Variants in CR1L observed in about 807,000 individuals in gnomAD.
CR1L encodes the protein complement C3b/C4b receptor 1 like, also known as complement component receptor 1-like protein.
A neutral mutation model predicts 62.3 loss-of-function variants in CR1L; 59 were observed. The ratio of observed to expected loss-of-function variants is 0.95; its 90% CI spans 0.77 to 1.18. The LOEUF is 1.18. CR1L is among the 50% of genes most tolerant of loss of function. The pLI is 0.00. For missense variants in CR1L, 700 were observed against 702.8 expected (o/e 1.00, Z 0.04); for synonymous variants, 279 against 248.7 (o/e 1.12, Z -1.15).
At chr1:207,683,749 T>C (rs1663845163) in intron 3 of CR1L, 123 bp from the exon 4 acceptor site, 2 of 885,304 alleles carry the variant, frequency 2.3e-6, no homozygotes, top group African/African-American at 3.3e-5. Flanking sequence ...TGATAGACAA[T>C]TCTTTGACAA....
intron 1 of CR1L, among the ~76,000 whole-genome samples, chr1:207,645,956 C>A (rs1211095470): frequency 1.3e-5 from 2 of 152,030 alleles, no homozygotes; most frequent in Non-Finnish European, 2.9e-5. Flanking sequence ...TTGAGTGGAG[C>A]GAGCGCGGAC....
chr1:207,680,269 G>C (rs1384332808), intron 3 of CR1L, among the ~76,000 whole-genome samples: 2 of 152,156 alleles, frequency 1.3e-5, no homozygotes, highest in Non-Finnish European at 2.9e-5. Flanking sequence ...CCAAAAACTT[G>C]TGCTAAAACA....
chr1:207,684,266 C>T (rs2102462435), intron 4 of CR1L, among the ~76,000 whole-genome samples: 1 of 152,164 alleles, frequency 6.6e-6, no homozygotes, highest in African/African-American at 2.4e-5. Flanking sequence ...TCCTGCTTGG[C>T]AAATCAGTAA....
At chr1:207,716,008 C>CT (rs1653989626) in intron 10 of CR1L, among the ~76,000 whole-genome samples, 1 of 152,094 alleles carries the variant, frequency 6.6e-6, no homozygotes, top group Non-Finnish European at 1.5e-5. Context: ...TTCTTATGTT[C>CT]TTTTATCCCC....
chr1:207,660,555 C>A (rs888265352), intron 1 of CR1L, among the ~76,000 whole-genome samples: 1 of 152,174 alleles, frequency 6.6e-6, no homozygotes, highest in African/African-American at 2.4e-5. Context: ...ATTAGTCTTG[C>A]TAGCAGTCTA....
At chr1:207,721,087 T>A (rs1044772255) in intron 11 of CR1L, among the ~76,000 whole-genome samples, 3 of 152,220 alleles carry the variant, frequency 2.0e-5, no homozygotes, top group Non-Finnish European at 4.4e-5. Context: ...TATCTTAGGA[T>A]GCAAGATTTA....
chr1:207,646,573 T>A (rs1307156985), intron 1 of CR1L, among the ~76,000 whole-genome samples: 1 of 151,626 alleles, frequency 6.6e-6, no homozygotes, highest in East Asian at 1.9e-4. Flanking sequence ...TAGATGGGCA[T>A]GGTGGTGTAT....
intron 9 of CR1L, among the ~76,000 whole-genome samples, chr1:207,707,426 A>G (rs927187201): frequency 2.6e-5 from 4 of 152,154 alleles, no homozygotes; most frequent in African/African-American, 9.7e-5. Context: ...TCAGGAGTTC[A>G]AGACCAGTCT....
At chr1:207,691,958 C>A (rs778058850) in intron 4 of CR1L, among the ~76,000 whole-genome samples, 2 of 152,088 alleles carry the variant, frequency 1.3e-5, no homozygotes, top group Non-Finnish European at 2.9e-5. Flanking sequence ...AGAGGATTTA[C>A]GGACAGAAAA....
intron 1 of CR1L, among the ~76,000 whole-genome samples, chr1:207,649,367 A>G (rs1663186577): frequency 6.6e-6 from 1 of 152,208 alleles, no homozygotes; most frequent in Non-Finnish European, 1.5e-5. Context: ...GAGCAGTTCT[A>G]AAAAGCAACA....
At position 207,701,403 on chromosome 1, in the gene CR1L, G is replaced by A. The variant is rs558020343; in HGVS notation, c.1229-116G>A. 40 of 1,359,044 alleles carry A rather than the reference G, an allele frequency of 2.9e-5. No homozygotes were observed. In the East Asian group the frequency reaches 8.7e-4, roughly 29 times the overall value. The allele number at this position is 1,359,044 out of a possible 1,614,324, so 84.2% of individuals were successfully genotyped here. A position where few individuals can be genotyped will look rare whatever the true frequency, so the allele number is the denominator to read the frequency against. On this transcript the variant is annotated intron_variant, in intron 8 of 11. Coordinates refer to ENST00000508064, the MANE Select transcript of CR1L (RefSeq NM_175710.2). Reference sequence around the variant, plus strand: ...GAGTTTTCTCAAGGTGCCAAAATCTGTGGAACTATCAGAACTGCGTGTTTT... The same window carrying A: ...GAGTTTTCTCAAGGTGCCAAAATCTATGGAACTATCAGAACTGCGTGTTTT...
At chr1:207,681,327 C>T (rs12032970) in intron 3 of CR1L, among the ~76,000 whole-genome samples, 52,658 of 152,050 alleles carry the variant, frequency 0.35, 9,443 homozygotes, top group Non-Finnish European at 0.4. Context: ...TGTGAATCCA[C>T]AACTCTCTCT....
intron 1 of CR1L, among the ~76,000 whole-genome samples, chr1:207,656,098 C>T (rs752037798): frequency 7.9e-5 from 12 of 152,158 alleles, no homozygotes; most frequent in Middle Eastern, 3.4e-3. Context: ...ATTAGCCAGG[C>T]GTGGTGGTAG....
chr1:207,656,176 T>G (rs1663307725), intron 1 of CR1L, among the ~76,000 whole-genome samples: 1 of 152,122 alleles, frequency 6.6e-6, no homozygotes, highest in Non-Finnish European at 1.5e-5. Context: ...AGGCGGAGCT[T>G]GCAGCGAGCC....
chr1:207,694,346 T>G lies in CR1L; in HGVS notation c.464-7T>G, dbSNP rs377236004. The G allele has an allele frequency of 1.1e-5, 17 of 1,613,982 alleles. No individual in the cohort carries two copies. Among genetic ancestry groups the G allele is most frequent in the Non-Finnish European group, 1.4e-5 (17 of 1,179,872 alleles). ...TATTTAAATTGACTGTGCTCTTCCT[T>G]TCCCAGGAATTATTTGTGGGCTACC... On this transcript the variant is annotated splice_region_variant and splice_polypyrimidine_tract_variant and intron_variant, in intron 4 of 11. Transcript: ENST00000508064.
At chr1:207,716,681 A>C (rs984824257) in intron 10 of CR1L, among the ~76,000 whole-genome samples, 3 of 152,226 alleles carry the variant, frequency 2.0e-5, no homozygotes, top group Non-Finnish European at 4.4e-5. Flanking sequence ...GAAAATAAAT[A>C]TATAAATAAA....
At position 207,645,341 on chromosome 1, in the gene CR1L, G is replaced by C; in HGVS notation, c.97+11G>C. Reference sequence around the variant, plus strand: ...TGTCCTCCTTCTCCGGTAGGACCCCGGGGTGGATTCGCGCGTCCGCGGCGA... The same window carrying C: ...TGTCCTCCTTCTCCGGTAGGACCCCCGGGTGGATTCGCGCGTCCGCGGCGA... On this transcript the variant is annotated intron_variant, in intron 1 of 11. Coordinates refer to ENST00000508064, the MANE Select transcript of CR1L (RefSeq NM_175710.2). 1 of 1,613,634 alleles carries C rather than the reference G, an allele frequency of 6.2e-7. No individual in the cohort carries two copies. The highest frequency in any genetic ancestry group is 1.1e-5 in the South Asian group (1 of 91,072).
chr1:207,660,352 G>A (rs575208702), intron 1 of CR1L, among the ~76,000 whole-genome samples: 1 of 152,362 alleles, frequency 6.6e-6, no homozygotes, highest in East Asian at 1.9e-4. Context: ...AATATTGACT[G>A]TTCTGCAGCC....
At chr1:207,698,988 G>C (rs1199276510) in intron 7 of CR1L, among the ~76,000 whole-genome samples, 2 of 152,162 alleles carry the variant, frequency 1.3e-5, no homozygotes, top group African/African-American at 4.8e-5. Context: ...ACTATCATGT[G>C]ACCAAGCTAC....
Sources: gnomAD v4.1 joint callset for allele counts (sites outside exome capture counted in the v4.1 genomes callset) on GRCh38, gnomAD v4.1.1 for gene constraint, MANE v1.5 for transcripts, NCBI Gene and HGNC (gene_info 2026-07-23, HGNC 2026-07-21) for gene names.